TMEM8B: variants seen among roughly 807,000 people sequenced by gnomAD.
TMEM8B encodes the protein nasopharyngeal carcinoma expressed 6.
Under a neutral mutation model 49.3 loss-of-function variants are expected in TMEM8B, and 29 were observed. The ratio of observed to expected loss-of-function variants is 0.59; its 90% CI spans 0.44 to 0.80. The LOEUF is 0.80. TMEM8B is among the 30% of genes least tolerant of loss of function. TMEM8B has a pLI of 0.00. For missense variants in TMEM8B, 575 were observed against 658.5 expected (o/e 0.87, Z 1.39); for synonymous variants, 264 against 272.8 (o/e 0.97, Z 0.32).
Position 35,829,281 on chromosome 9 carries a change from G to T in TMEM8B, c.-167G>T. The T allele has an allele frequency of 2.8e-6, 1 of 361,330 alleles. No individual in the cohort carries two copies. Among genetic ancestry groups the T allele is most frequent in the Admixed American group, 4.7e-5 (1 of 21,414 alleles). The allele number at this position is 361,330 out of a possible 1,614,324, so 22.4% of individuals were successfully genotyped here. ...GCGGGGCCTGGTTATCGCCGGTTCA[G>T]CGCAGCCCGGAGTCGCCCAGGCCTG... On this transcript the variant is annotated 5_prime_UTR_variant, in exon 1 of 13. Coordinates refer to ENST00000643932, the MANE Select transcript of TMEM8B (RefSeq NM_001042590.4).
Position 35,861,923 on chromosome 9 carries a change from C to T in TMEM8B, c.*8083C>T, listed in dbSNP as rs1363497264. On this transcript the variant is annotated 3_prime_UTR_variant, in exon 13 of 13. Coordinates refer to ENST00000643932, the MANE Select transcript of TMEM8B (RefSeq NM_001042590.4). Reference sequence around the variant, plus strand: ...GCCTGTGCAGGATTTCCTTCCTCTACCCTGAATCAGGGTGATTCTTAAAGG... The same window carrying T: ...GCCTGTGCAGGATTTCCTTCCTCTATCCTGAATCAGGGTGATTCTTAAAGG... 1 of 152,178 alleles carries T rather than the reference C, an allele frequency of 6.6e-6. No homozygotes were observed. Among genetic ancestry groups the T allele is most frequent in the Admixed American group, 6.5e-5 (1 of 15,270 alleles). The allele number at this position is 152,178 out of a possible 1,614,324, so 9.4% of individuals were successfully genotyped here.
chr9:35,845,893 T>C, intron 6 of TMEM8B, 82 bp from the exon 7 acceptor site: 1 of 1,607,008 alleles, frequency 6.2e-7, no homozygotes, highest in Non-Finnish European at 8.5e-7. Flanking sequence ...AAGGTGTGGG[T>C]TAACAGGGGT....
In TMEM8B at chr9:35,842,799, C is replaced by T; in HGVS notation, c.1635+82C>T. On this transcript the variant is annotated intron_variant, in intron 6 of 12. Coordinates refer to ENST00000643932, the MANE Select transcript of TMEM8B (RefSeq NM_001042590.4). This position sits in a 1 kb window ranked among gnomAD's most constrained non-coding sequence, Gnocchi z 5.6. ...GTCAGGGGTGTTGGGGTGTTTACCTCCTCCAGGAAGCCTGTCCAGGTTGCT... is the reference window on the plus strand; with the variant it reads ...GTCAGGGGTGTTGGGGTGTTTACCTTCTCCAGGAAGCCTGTCCAGGTTGCT... The T allele has an allele frequency of 7.0e-7, 1 of 1,426,754 alleles. No homozygotes were observed. 88.4% of individuals were successfully genotyped at this position (1,426,754 alleles called of 1,614,324 possible).
At chr9:35,851,901 A>G (rs1249052194) in intron 10 of TMEM8B, among the ~76,000 whole-genome samples, 1 of 152,136 alleles carries the variant, frequency 6.6e-6, no homozygotes, top group Non-Finnish European at 1.5e-5. Context: ...TTTCTTTTTC[A>G]TCTTTTGTCT....
At chr9:35,851,682 G>A (rs1832153418) in intron 10 of TMEM8B, among the ~76,000 whole-genome samples, 2 of 152,140 alleles carry the variant, frequency 1.3e-5, no homozygotes, top group South Asian at 2.1e-4. Flanking sequence ...AGATAGATAC[G>A]CAAGCTTGAG....
Position 35,846,015 on chromosome 9 carries a change from T to C in TMEM8B, c.1676T>C (p.Leu559Ser). 2 of 1,613,642 alleles carry C rather than the reference T, an allele frequency of 1.2e-6. No individual in the cohort carries two copies. Among genetic ancestry groups the C allele is most frequent in the Non-Finnish European group, 8.5e-7 (1 of 1,179,958 alleles). The change falls in exon 7 of 13, where the codon TTG becomes TCG. Residue 559 changes from leucine to serine, a missense_variant. Leu to Ser is a moderately radical substitution (Grantham distance 145). Transcript: ENST00000643932. ...RQENVTVFGC[L>S]THEVPLSLGD... ...GAAAACGTGACGGTGTTTGGATGCT[T>C]GACTCACGAGGTGCCCTTGAGCCTG...
Position 35,846,500 on chromosome 9 carries a change from G to A in TMEM8B, c.1885G>A (p.Val629Met). The A allele has an allele frequency of 6.3e-7, 1 of 1,597,092 alleles. No homozygotes were observed. The highest frequency in any genetic ancestry group is 8.5e-7 in the Non-Finnish European group (1 of 1,171,934). Residue 629 changes from valine to methionine, a missense_variant, in exon 9 of 13, where the codon GTG becomes ATG. Val to Met is a conservative substitution (Grantham distance 21). Coordinates refer to ENST00000643932, the MANE Select transcript of TMEM8B (RefSeq NM_001042590.4). ...GCGGTGCCGCAACGCGACGGCCGAG[G>A]TGCGGATGCGCACCTTCCTGTCCCC... ...FVRCRNATAE[V>M]RMRTFLSPCV...
intron 6 of TMEM8B, chr9:35,845,739 C>G (rs1831459596): frequency 2.0e-6 from 2 of 985,318 alleles, no homozygotes; most frequent in Non-Finnish European, 2.4e-6. Flanking sequence ...AGAACAGATT[C>G]AAAATTGGGC....
At chr9:35,836,972 T>C (rs1425057193) in intron 3 of TMEM8B, among the ~76,000 whole-genome samples, 2 of 152,210 alleles carry the variant, frequency 1.3e-5, no homozygotes, top group Non-Finnish European at 2.9e-5. Context: ...TGTAGTCTTA[T>C]ATGGTCCTCA....
rs934632461 is a variant in TMEM8B, at chr9:35,835,201, G to A, written c.889G>A (p.Gly297Ser). ...FLAAHLPQAHGHISVKGLQDE... is the reference protein window; with the variant it reads ...FLAAHLPQAHSHISVKGLQDE... ...GGCTGCCCACCTTCCCCAGGCCCAC[G>A]GCCACATCTCTGTCAAGGTGGGTTG... Residue 297 changes from glycine (G) to serine (S), a missense_variant, in exon 3 of 13, where the codon GGC becomes AGC. Gly to Ser is a moderately conservative substitution (Grantham distance 56). Coordinates refer to ENST00000643932, the MANE Select transcript of TMEM8B (RefSeq NM_001042590.4). 2.4e-5 allele frequency: 10 copies of A among 415,708 alleles called. No individual in the cohort carries two copies. The highest frequency in any genetic ancestry group is 1.8e-4 in the Admixed American group (4 of 22,748). The allele number at this position is 415,708 out of a possible 1,614,324, so 25.8% of individuals were successfully genotyped here.
rs186589741 is a variant in TMEM8B at position 35,832,399 on chromosome 9, A to G, written c.509-2062A>G. On this transcript the variant is annotated intron_variant, in intron 1 of 12. Coordinates refer to ENST00000643932, the MANE Select transcript of TMEM8B (RefSeq NM_001042590.4). ...TGGGGCTGTGGACCCTTTCTCAAGC[A>G]TCTGCCCTCAGAACTTCTTCCAAGT... 4.7e-4 allele frequency among the ~76,000 whole-genome samples: 71 copies of G among 152,246 alleles called. No individual in the cohort carries two copies. The East Asian group carries it at 9.1e-3, about 19-fold the overall frequency.
chr9:35,852,407 A>G (rs539299755), intron 10 of TMEM8B, among the ~76,000 whole-genome samples: 29 of 152,284 alleles, frequency 1.9e-4, no homozygotes, highest in Admixed American at 7.8e-4. Context: ...AGCAGGGGAA[A>G]CTGGGACATA....
intron 6 of TMEM8B, chr9:35,845,703 G>A (rs1831455154): frequency 2.0e-6 from 2 of 985,314 alleles, no homozygotes; most frequent in Non-Finnish European, 2.4e-6. Context: ...CTCTTGCTTG[G>A]ACAGAATTGA....
At position 35,838,467 on chromosome 9, in the gene TMEM8B, G is replaced by A. The variant is rs912386360; in HGVS notation, c.907-2667G>A. On this transcript the variant is annotated intron_variant, in intron 3 of 12. Coordinates refer to ENST00000643932, the MANE Select transcript of TMEM8B (RefSeq NM_001042590.4). ...TGTAGTGGCCCAATGCTTGGTCCTCGAACAATTCCTTTTTCACTTTTCTAT... is the reference window on the plus strand; with the variant it reads ...TGTAGTGGCCCAATGCTTGGTCCTCAAACAATTCCTTTTTCACTTTTCTAT... Among the ~76,000 whole-genome samples, 8 of 151,688 alleles carry A rather than the reference G, an allele frequency of 5.3e-5. No homozygotes were observed. The South Asian group carries it at 1.3e-3, about 24-fold the overall frequency.
intron 10 of TMEM8B, among the ~76,000 whole-genome samples, chr9:35,851,530 A>G (rs529112578): frequency 6.6e-6 from 1 of 152,364 alleles, no homozygotes; most frequent in South Asian, 2.1e-4. Context: ...TCAATTTAAC[A>G]GTATATTAAG....
chr9:35,835,023 C>T lies in TMEM8B; in HGVS notation c.711C>T (p.Ser237=), dbSNP rs149661254. ...PDQSVTVYFR[S]GAPPVINPLH... The stretch of plus-strand genomic sequence containing the variant: ...TCTGGTCCCCCAGGTATTTCCGGTC[C>T]GGGGCACCCCCTGTCATCAATCCCC... The change falls in exon 3 of 13, where the codon TCC becomes TCT. Residue 237 remains serine, a synonymous_variant. Coordinates refer to ENST00000643932, the MANE Select transcript of TMEM8B (RefSeq NM_001042590.4). 3.4e-4 allele frequency: 141 copies of T among 415,744 alleles called. No homozygotes were observed. Among genetic ancestry groups the T allele is most frequent in the East Asian group, 1.2e-3 (34 of 28,076 alleles). 25.8% of individuals were successfully genotyped at this position (415,744 alleles called of 1,614,324 possible). A position where few individuals can be genotyped will look rare whatever the true frequency, so the allele number is the denominator to read the frequency against.
At position 35,842,282 on chromosome 9, in the gene TMEM8B, C is replaced by A; in HGVS notation, c.1310-110C>A. On this transcript the variant is annotated intron_variant, in intron 5 of 12. Coordinates refer to ENST00000643932, the MANE Select transcript of TMEM8B (RefSeq NM_001042590.4). This position sits in a 1 kb window ranked among gnomAD's most constrained non-coding sequence, Gnocchi z 5.6. ...TCCCAAGGGACATCGCATTCTAGTT[C>A]TCATCCTTCCCCACTCTTTGCGAAA... is the stretch of plus-strand genomic sequence containing the variant. 1 of 816,604 alleles carries A rather than the reference C, an allele frequency of 1.2e-6. No homozygotes were observed. Among genetic ancestry groups the A allele is most frequent in the Non-Finnish European group, 1.8e-6 (1 of 547,618 alleles). The allele number at this position is 816,604 out of a possible 1,614,324, so 50.6% of individuals were successfully genotyped here.
chr9:35,846,202 G>C, intron 7 of TMEM8B, 56 bp from the exon 8 acceptor site: 1 of 1,608,986 alleles, frequency 6.2e-7, no homozygotes, highest in African/African-American at 1.3e-5. Context: ...GGTGGGTGAG[G>C]GTTCTTGGGT....
intron 3 of TMEM8B, among the ~76,000 whole-genome samples, chr9:35,837,087 A>G (rs972534583): frequency 6.6e-5 from 10 of 151,970 alleles, no homozygotes; most frequent in African/African-American, 9.7e-5. Context: ...TCCTTCCCCT[A>G]CTATGGCATG....
Sources: gnomAD v4.1 joint callset for allele counts (sites outside exome capture counted in the v4.1 genomes callset) on GRCh38, gnomAD v4.1.1 for gene constraint, Gnocchi (gnomAD v3.1) non-coding constraint, MANE v1.5 for transcripts, NCBI Gene and HGNC (gene_info 2026-07-23, HGNC 2026-07-21) for gene names.